Variants in PRH1 observed in about 807,000 individuals in gnomAD.
PRH1 encodes the protein salivary acidic proline-rich phosphoprotein 1/2.
Under a neutral mutation model 7.9 loss-of-function variants are expected in PRH1, and 7 were observed. The ratio of observed to expected loss-of-function variants is 0.89; its 90% confidence interval spans 0.50 to 1.67. PRH1 has a LOEUF of 1.67. Among genes scored for constraint, PRH1 ranks in the 40% most tolerant of loss-of-function variants. The probability of loss-of-function intolerance (pLI) is 0.00; values close to 1 mark genes in which losing one functional copy is unlikely to be tolerated. For synonymous variants in PRH1, 45 were observed against 80.8 expected (o/e 0.56, Z 2.38); for missense variants, 109 against 223.6 (o/e 0.49, Z 3.27).
At chr12:10,939,894 T>C (rs1317654488) in intron 2 of PRH1, among the ~76,000 whole-genome samples, 2 of 152,232 alleles carry the variant, frequency 1.3e-5, no homozygotes, top group South Asian at 2.1e-4. Flanking sequence ...GTTATATTTA[T>C]TATCATTTGA....
intron 1 of PRH1, among the ~76,000 whole-genome samples, chr12:10,980,307 T>A (rs924728447): frequency 6.6e-6 from 1 of 152,204 alleles, no homozygotes; most frequent in Non-Finnish European, 1.5e-5. Flanking sequence ...ATTCTATCTA[T>A]GTATTTCTTT....
At chr12:11,091,598 A>T (rs1405544239) in intron 1 of PRH1, 2 of 1,320,518 alleles carry the variant, frequency 1.5e-6, no homozygotes, top group Non-Finnish European at 2.2e-6. Context: ...TTTACCATGG[A>T]GCTGCATCTT....
intron 1 of PRH1, among the ~76,000 whole-genome samples, chr12:11,166,990 G>A (rs557069436): frequency 6.6e-6 from 1 of 152,238 alleles, no homozygotes; most frequent in African/African-American, 2.4e-5. Context: ...CTGTTTTTAA[G>A]GGCTCATATG....
intron 1 of PRH1, among the ~76,000 whole-genome samples, chr12:11,004,149 T>G (rs1034672060): frequency 3.3e-5 from 5 of 152,078 alleles, no homozygotes; most frequent in Non-Finnish European, 7.4e-5. Context: ...CTGCTTCATA[T>G]GCTCTCCAAA....
In PRH1 at chr12:11,073,191, G is replaced by A. The variant is rs1479980583; in HGVS notation, n.124-26003C>T. Among the ~76,000 whole-genome samples the A allele has an allele frequency of 1.7e-5, 2 of 119,584 alleles. 1 individual carries two copies. Among genetic ancestry groups the A allele is most frequent in the Admixed American group, 1.7e-4 (2 of 12,024 alleles). The allele number at this position is 119,584 out of a possible 152,430, so 78.5% of individuals were successfully genotyped here. On this transcript the variant is annotated intron_variant and non_coding_transcript_variant, in intron 1 of 4. Transcript: ENST00000541977. ...CTGTTGCCCAGGCTAGAGTGCACTG[G>A]TGCCATCTCGGCTCACTGCAAACTT...
At position 11,030,407 on chromosome 12, in the gene PRH1, T is replaced by C. The variant is rs1942133355; in HGVS notation, c.-126+16613A>G. 6 of 1,613,138 alleles carry C rather than the reference T, an allele frequency of 3.7e-6. No homozygotes were observed. In the Admixed American group the frequency reaches 1.0e-4, roughly 27 times the overall value. On this transcript the variant is annotated intron_variant, in intron 1 of 3. Transcript: ENST00000539853. The stretch of plus-strand genomic sequence containing the variant: ...ACACACAATGCCCCTCTCATGAATC[T>C]ATGGAGATGAAGGCTTCTCTCCTTT...
chr12:10,914,225 T>A (rs990861294), intron 2 of PRH1, among the ~76,000 whole-genome samples: 19 of 152,314 alleles, frequency 1.2e-4, no homozygotes, highest in Admixed American at 2.0e-4. Context: ...AATATATTAA[T>A]GGTTCATTTG....
intron 2 of PRH1, chr12:10,908,287 G>A: frequency 8.8e-7 from 1 of 1,130,676 alleles, no homozygotes; most frequent in South Asian, 1.7e-5. Flanking sequence ...AAGAAACCAG[G>A]GGAAGCATAA....
chr12:10,973,527 G>A, intron 2 of PRH1: 1 of 571,516 alleles, frequency 1.7e-6, no homozygotes, highest in Non-Finnish European at 3.1e-6. Flanking sequence ...CCCTCCTTGA[G>A]TAGGCTTTAT....
intron 1 of PRH1, among the ~76,000 whole-genome samples, chr12:11,123,253 G>A (rs1945975506): frequency 6.6e-6 from 1 of 152,230 alleles, no homozygotes; most frequent in Non-Finnish European, 1.5e-5. Flanking sequence ...TATTTGGGCA[G>A]CTTATTTTTG....
chr12:11,005,164 GA>G (rs908769969), intron 1 of PRH1, among the ~76,000 whole-genome samples: 1 of 152,092 alleles, frequency 6.6e-6, no homozygotes, highest in African/African-American at 2.4e-5. Context: ...TGTCTTTATG[GA>G]AAACATGATA....
chr12:11,004,771 C>G (rs184654199), intron 1 of PRH1, among the ~76,000 whole-genome samples: 1 of 151,834 alleles, frequency 6.6e-6, no homozygotes, highest in African/African-American at 2.4e-5. Flanking sequence ...TCAATCATTA[C>G]GTCAAATGAC....
chr12:11,104,084 A>C (rs1360780290), intron 1 of PRH1, among the ~76,000 whole-genome samples: 4 of 151,816 alleles, frequency 2.6e-5, no homozygotes, highest in African/African-American at 7.3e-5. Context: ...TGATGTGGAC[A>C]CTAGGATGTT....
intron 1 of PRH1, among the ~76,000 whole-genome samples, chr12:11,093,777 G>A (rs573667698): frequency 8.8e-6 from 1 of 113,686 alleles, no homozygotes; most frequent in African/African-American, 2.9e-5. Context: ...ATAGAGATTT[G>A]AGATGGCTTC....
intron 2 of PRH1, chr12:10,929,316 T>G (rs1565477668): frequency 2.7e-5 from 43 of 1,614,154 alleles, no homozygotes; most frequent in Non-Finnish European, 3.5e-5. Flanking sequence ...GGCCTTCAGC[T>G]CAGCTCAGGA....
chr12:10,938,966 AT>A (rs778784911), intron 2 of PRH1: 1 of 1,613,558 alleles, frequency 6.2e-7, no homozygotes. Flanking sequence ...CATTCTGAAC[AT>A]TTTTTCAGTG....
intron 2 of PRH1, among the ~76,000 whole-genome samples, chr12:10,953,229 C>T (rs1937776625): frequency 6.6e-6 from 1 of 152,056 alleles, no homozygotes; most frequent in Non-Finnish European, 1.5e-5. Flanking sequence ...GCCAGAGTAT[C>T]TTCTTACCTC....
chr12:10,992,566 C>T (rs1026738529), intron 1 of PRH1, among the ~76,000 whole-genome samples: 21 of 152,118 alleles, frequency 1.4e-4, no homozygotes, highest in African/African-American at 4.3e-4. Context: ...ACTACAGGCA[C>T]GCAGTACTAC....
intron 1 of PRH1, among the ~76,000 whole-genome samples, chr12:11,096,324 G>A (rs1227891119): frequency 1.7e-5 from 2 of 115,022 alleles, no homozygotes; most frequent in Non-Finnish European, 2.0e-5. Context: ...TGTTTAACTG[G>A]TTGTTAACGC....
Sources: allele counts gnomAD v4.1 joint callset (sites outside exome capture counted in the v4.1 genomes callset), GRCh38; gene constraint gnomAD v4.1.1; transcripts MANE v1.5; gene names NCBI Gene and HGNC (gene_info 2026-07-23, HGNC 2026-07-21).